ZNF253: variants seen among roughly 807,000 people sequenced by gnomAD.
ZNF253 encodes DNA-binding protein.
ZNF253 carries 8 observed loss-of-function variants against 11.9 expected under a neutral mutation model. The ratio of observed to expected loss-of-function variants is 0.67; its 90% CI spans 0.40 to 1.22. ZNF253 has a LOEUF of 1.22. Ranked by LOEUF, ZNF253 falls within the 50% of genes most tolerant of loss-of-function variation. The pLI is 0.01. For synonymous variants in ZNF253, 194 were observed against 194.9 expected, an observed-to-expected ratio of 1.00 and a Z score of 0.04; for missense variants, 485 against 586.9, an observed-to-expected ratio of 0.83 and a Z score of 1.79.
intron 3 of ZNF253, among the ~76,000 whole-genome samples, chr19:19,885,806 C>T (rs1295546529): frequency 1.3e-5 from 2 of 152,062 alleles, no homozygotes; most frequent in African/African-American, 4.8e-5. Flanking sequence ...AGTGTTGATA[C>T]TGTAGCTTTT....
intron 3 of ZNF253, among the ~76,000 whole-genome samples, chr19:19,881,288 T>G (rs1442167772): frequency 6.6e-6 from 1 of 152,136 alleles, no homozygotes; most frequent in Admixed American, 6.5e-5. Flanking sequence ...TTTCTCTATT[T>G]TATCAGATAG....
chr19:19,879,989 A>G (rs1004206609), intron 2 of ZNF253, 62 bp from the exon 3 acceptor site: 1 of 1,095,982 alleles, frequency 9.1e-7, no homozygotes, highest in African/African-American at 1.6e-5. Flanking sequence ...TGCTGAGCAC[A>G]GTACTAGCTT....
chr19:19,891,503 T>C lies in ZNF253; in HGVS notation c.256T>C (p.Trp86Arg), dbSNP rs1316886837. 5 of 1,603,848 alleles carry C rather than the reference T, an allele frequency of 3.1e-6. No individual in the cohort carries two copies. In the East Asian group the frequency reaches 1.1e-4, roughly 36 times the overall value. The part of the protein sequence containing the change: ...VMSSHFAQDL[W>R]PENIQNSFQI... ...GAGTTCTCATTTTGCCCAAGACCTT[T>C]GGCCAGAGAACATACAAAATTCTTT... Residue 86 changes from tryptophan (W) to arginine (R), a missense_variant, in exon 4 of 4, where the codon TGG becomes CGG. Transcript: ENST00000589717.
chr19:19,882,360 A>G (rs2063181516), intron 3 of ZNF253, among the ~76,000 whole-genome samples: 2 of 152,088 alleles, frequency 1.3e-5, no homozygotes, highest in African/African-American at 4.8e-5. Flanking sequence ...TATTCTGTGA[A>G]TTTTTAGTGA....
chr19:19,866,549 A>G (rs2063112089), intron 1 of ZNF253, among the ~76,000 whole-genome samples: 4 of 151,548 alleles, frequency 2.6e-5, no homozygotes, highest in South Asian at 2.1e-4. Context: ...CCCAGGCTAA[A>G]GTACAATGGC....
intron 3 of ZNF253, among the ~76,000 whole-genome samples, chr19:19,888,265 T>C (rs1250442654): frequency 2.0e-5 from 3 of 152,122 alleles, no homozygotes; most frequent in Non-Finnish European, 4.4e-5. Flanking sequence ...GGTTACTCCA[T>C]GTTGGCCACG....
rs779207052 is a variant in ZNF253 at position 19,891,526 on chromosome 19, T to C, written c.279T>C (p.Ser93=). 7.4e-6 allele frequency: 12 copies of C among 1,612,494 alleles called. No homozygotes were observed. Among genetic ancestry groups the C allele is most frequent in the Non-Finnish European group, 5.1e-6 (6 of 1,179,292 alleles). The change falls in exon 4 of 4, where the codon TCT becomes TCC. Residue 93 remains serine (S), a synonymous_variant. Transcript: ENST00000589717. ...QDLWPENIQN[S]FQIGMLRRYE... ...TTTGGCCAGAGAACATACAAAATTC[T>C]TTCCAAATAGGGATGCTGAGAAGAT...
intron 1 of ZNF253, among the ~76,000 whole-genome samples, chr19:19,876,546 G>C (rs1377858741): frequency 6.7e-6 from 1 of 148,222 alleles, no homozygotes; most frequent in Non-Finnish European, 1.5e-5. Flanking sequence ...CTGTTTTAAA[G>C]GACAGAAAAG....
intron 1 of ZNF253, among the ~76,000 whole-genome samples, chr19:19,877,260 T>C (rs745678243): frequency 2.0e-5 from 3 of 152,234 alleles, no homozygotes; most frequent in Admixed American, 6.5e-5. Context: ...TTACAGAACA[T>C]AGGAGTTATC....
At position 19,892,490 on chromosome 19, in the gene ZNF253, A is replaced by G. The variant is rs1280364351; in HGVS notation, c.1243A>G (p.Lys415Glu). ...CTGGCCCTCAATCCTCTCCAAACAT[A>G]AAAGAACTCATACTGGAGAGAAACC... ...FTWPSILSKH[K>E]RTHTGEKPYK... Residue 415 changes from lysine (K) to glutamate (E), a missense_variant, in exon 4 of 4, where the codon AAA becomes GAA. Coordinates refer to ENST00000589717, the MANE Select transcript of ZNF253 (RefSeq NM_021047.3). 8 of 1,613,820 alleles carry G rather than the reference A, an allele frequency of 5.0e-6. No homozygotes were observed. The highest frequency in any genetic ancestry group is 2.2e-5 in the South Asian group (2 of 91,068).
At chr19:19,887,442 A>T (rs1486936423) in intron 3 of ZNF253, among the ~76,000 whole-genome samples, 1 of 152,052 alleles carries the variant, frequency 6.6e-6, no homozygotes, top group Non-Finnish European at 1.5e-5. Flanking sequence ...GATTAAAGGC[A>T]TCTGCTACCA....
intron 3 of ZNF253, among the ~76,000 whole-genome samples, chr19:19,882,422 C>G (rs2063181733): frequency 6.6e-6 from 1 of 152,000 alleles, no homozygotes; most frequent in South Asian, 2.1e-4. Flanking sequence ...TTGGGTCCAC[C>G]TTTAGTTGGC....
At position 19,868,453 on chromosome 19, in the gene ZNF253, C is replaced by A. The variant is rs147413919; in HGVS notation, c.3+2454C>A. 6.6e-3 allele frequency among the ~76,000 whole-genome samples: 998 copies of A among 152,236 alleles called. 41 individuals carry two copies. The highest frequency in any genetic ancestry group is 0.057 in the Admixed American group (866 of 15,280). ...AGCACCATTTATTAAATGGAGAATT[C>A]TTTCCACATTTCTCTTATCAGCTTT... is the stretch of plus-strand genomic sequence containing the variant. On this transcript the variant is annotated intron_variant, in intron 1 of 3. Coordinates refer to ENST00000589717, the MANE Select transcript of ZNF253 (RefSeq NM_021047.3).
chr19:19,891,444 G>T (rs117741061), intron 3 of ZNF253, 30 bp from the exon 4 acceptor site: 28,292 of 1,517,646 alleles, frequency 0.019, 361 homozygotes, highest in Non-Finnish European at 0.022. Context: ...TCTAGCAATT[G>T]AAGTAATGTG....
At chr19:19,878,361 T>C in intron 1 of ZNF253, 120 bp from the exon 2 acceptor site, 1 of 1,528,400 alleles carries the variant, frequency 6.5e-7, no homozygotes, top group South Asian at 1.2e-5. Flanking sequence ...TTTTATTGGA[T>C]AATTTTAGGC....
At chr19:19,885,285 TTCTTTC>T (rs1568498921) in intron 3 of ZNF253, among the ~76,000 whole-genome samples, 3 of 41,380 alleles carry the variant, frequency 7.2e-5, no homozygotes, top group African/African-American at 3.2e-4. Context: ...CTTTCTTTCT[TTCTTTC>T]TCTTTCTTTT....
chr19:19,874,841 G>A (rs2063148466), intron 1 of ZNF253, among the ~76,000 whole-genome samples: 1 of 152,080 alleles, frequency 6.6e-6, no homozygotes, highest in Non-Finnish European at 1.5e-5. Flanking sequence ...GAACCCGGGA[G>A]GCGGAGTTTG....
intron 3 of ZNF253, among the ~76,000 whole-genome samples, chr19:19,885,297 CTTTTCTTT>C (rs2063198873): frequency 3.9e-5 from 1 of 25,616 alleles, no homozygotes; most frequent in Non-Finnish European, 5.9e-5. Context: ...CTTTCTCTTT[CTTTTCTTT>C]CTTTCTTTCT....
chr19:19,875,704 T>G (rs981634238), intron 1 of ZNF253, among the ~76,000 whole-genome samples: 1 of 152,112 alleles, frequency 6.6e-6, no homozygotes, highest in Non-Finnish European at 1.5e-5. Flanking sequence ...CATTAAACTC[T>G]TTCTTTCTTT....
Sources: gnomAD v4.1 joint callset for allele counts (sites outside exome capture counted in the v4.1 genomes callset) on GRCh38, gnomAD v4.1.1 for gene constraint, MANE v1.5 for transcripts, NCBI Gene and HGNC (gene_info 2026-07-23, HGNC 2026-07-21) for gene names.